Variants in ABCC12 observed in about 807,000 individuals in gnomAD.
ABCC12 encodes the protein ATP binding cassette subfamily C member 12, also known as ATP-binding cassette sub-family C member 12.
ABCC12 carries 142 observed loss-of-function variants against 151.1 expected under a neutral mutation model. The ratio of observed to expected loss-of-function variants is 0.94; its 90% CI spans 0.82 to 1.08. The LOEUF (loss-of-function observed/expected upper bound fraction) is 1.08, where lower values mean the gene tolerates loss of function less well. Ranked by LOEUF, ABCC12 falls within the 50% of genes least tolerant of loss-of-function variation. The pLI, the probability that ABCC12 is intolerant of heterozygous loss-of-function variation, is 0.00. For missense variants in ABCC12, 1,638 were observed against 1,691.1 expected, an observed-to-expected ratio of 0.97 and a Z score of 0.55; for synonymous variants, 645 against 646.4, an observed-to-expected ratio of 1.00 and a Z score of 0.03.
intron 24 of ABCC12, among the ~76,000 whole-genome samples, chr16:48,094,952 A>T (rs1963041124): frequency 6.6e-6 from 1 of 152,222 alleles, no homozygotes; most frequent in African/African-American, 2.4e-5. Flanking sequence ...AGATGGACAA[A>T]ACCAATGGCA....
In ABCC12 at chr16:48,139,152, C is replaced by A; in HGVS notation, c.831+11G>T. ...TACAAAGCAGTTAGAAGCGCAAAAG[C>A]CTGCCGTTACCTGGACGGGTATGAA... On this transcript the variant is annotated intron_variant, in intron 7 of 30. Coordinates refer to ENST00000311303, the MANE Select transcript of ABCC12 (RefSeq NM_001393797.1). The A allele has an allele frequency of 6.4e-7, 1 of 1,574,384 alleles. No individual in the cohort carries two copies. The highest frequency in any genetic ancestry group is 2.3e-5 in the East Asian group (1 of 44,376).
chr16:48,091,182 G>C lies in ABCC12; in HGVS notation c.3223C>G (p.Arg1075Gly). Residue 1075 changes from arginine to glycine, a missense_variant, in exon 25 of 31, where the codon CGA becomes GGA. Coordinates refer to ENST00000311303, the MANE Select transcript of ABCC12 (RefSeq NM_001393797.1). The stretch of plus-strand genomic sequence containing the variant: ...TTGGCTTGCGTCTCTGTTCCCGTTC[G>C]CACACACACTTGGAGCAGTCCGCTC... ...QLSGLLQVCV[R>G]TGTETQAKFT... 1 of 1,614,058 alleles carries C rather than the reference G, an allele frequency of 6.2e-7. No individual in the cohort carries two copies. The highest frequency in any genetic ancestry group is 8.5e-7 in the Non-Finnish European group (1 of 1,179,978).
chr16:48,084,772 G>A (rs116879978), intron 29 of ABCC12, among the ~76,000 whole-genome samples: 1 of 152,206 alleles, frequency 6.6e-6, no homozygotes, highest in East Asian at 1.9e-4. Context: ...TAAAAGTCTC[G>A]GAGGAACATG....
chr16:48,118,835 A>G (rs1053289099), intron 13 of ABCC12, among the ~76,000 whole-genome samples: 1 of 152,212 alleles, frequency 6.6e-6, no homozygotes, highest in Non-Finnish European at 1.5e-5. Context: ...ACCTTGGACA[A>G]GTGACTGTAC....
Position 48,088,669 on chromosome 16 carries a change from A to G in ABCC12, c.3351T>C (p.Arg1117=). 6.2e-7 allele frequency: 1 copy of G among 1,614,192 alleles called. No homozygotes were observed. Among genetic ancestry groups the G allele is most frequent in the Non-Finnish European group, 8.5e-7 (1 of 1,180,026 alleles). The change falls in exon 26 of 31, where the codon CGT becomes CGC. Residue 1117 remains arginine (R), a synonymous_variant. Transcript: ENST00000311303. ...GATAGTCTCTGAAGGTGATCTCCCC[A>G]CGGCTGGGCCAGTCCTTGGGACAGG... ...VGTCPKDWPS[R]GEITFRDYQM...
rs139743676 is a variant in ABCC12, at chr16:48,133,877, G to A, written c.980-42C>T. 1.2e-5 allele frequency: 19 copies of A among 1,610,044 alleles called. No homozygotes were observed. The African/African-American group carries it at 2.1e-4, about 18-fold the overall frequency. On this transcript the variant is annotated intron_variant, in intron 8 of 30. Transcript: ENST00000311303. Reference sequence around the variant, plus strand: ...AGTCCAAGGTGGTCTCATTTTGCATGTCGAACACTAGCATTATGAAATGTA... The same window carrying A: ...AGTCCAAGGTGGTCTCATTTTGCATATCGAACACTAGCATTATGAAATGTA...
chr16:48,133,206 T>A (rs953488166), intron 9 of ABCC12, among the ~76,000 whole-genome samples: 1 of 152,214 alleles, frequency 6.6e-6, no homozygotes, highest in Non-Finnish European at 1.5e-5. Context: ...GGGCCCCTTG[T>A]CAGCCCAAGC....
intron 15 of ABCC12, 37 bp downstream of exon 15, chr16:48,115,378 C>T (rs949240733): frequency 6.2e-7 from 1 of 1,601,522 alleles, no homozygotes; most frequent in Non-Finnish European, 8.5e-7. Flanking sequence ...CAGCCACACC[C>T]ATCCCGTGAC....
At chr16:48,125,340 T>C (rs567694613) in intron 11 of ABCC12, among the ~76,000 whole-genome samples, 19 of 152,322 alleles carry the variant, frequency 1.2e-4, no homozygotes, top group African/African-American at 4.6e-4. Flanking sequence ...GGGGTATTGA[T>C]GCCCCAGCAG....
chr16:48,083,769 T>C lies in ABCC12; in HGVS notation c.4026A>G (p.Ala1342=), dbSNP rs1962454174. The change falls in exon 31 of 31, where the codon GCA becomes GCG. Residue 1342 remains alanine (A), a synonymous_variant. Transcript: ENST00000311303. ...TCGCAAATGCAGAATCTGGCTTCTC[T>C]GCAAGGACTTCAGGCTTGTCAAACT... ...VIEFDKPEVL[A]EKPDSAFAML... 6.2e-7 allele frequency: 1 copy of C among 1,614,246 alleles called. No individual in the cohort carries two copies. The highest frequency in any genetic ancestry group is 8.5e-7 in the Non-Finnish European group (1 of 1,180,044).
chr16:48,104,882 C>G (rs750198288), intron 21 of ABCC12, among the ~76,000 whole-genome samples: 1 of 152,194 alleles, frequency 6.6e-6, no homozygotes, highest in Non-Finnish European at 1.5e-5. Flanking sequence ...GCTTGGCCTG[C>G]GCATCTCTGC....
rs1963681204 is a variant in ABCC12 at position 48,111,419 on chromosome 16, G to A, written c.2281+17C>T. 6.2e-7 allele frequency: 1 copy of A among 1,610,570 alleles called. No homozygotes were observed. Among genetic ancestry groups the A allele is most frequent in the East Asian group, 2.2e-5 (1 of 44,866 alleles). ...CATCCTTAAGTGTATGTGACTGAGG[G>A]GATGTGTGGTAAATACCTTTTGTGT... On this transcript the variant is annotated intron_variant, in intron 18 of 30. Coordinates refer to ENST00000311303, the MANE Select transcript of ABCC12 (RefSeq NM_001393797.1).
At chr16:48,125,726 CT>C (rs1024761515) in intron 11 of ABCC12, among the ~76,000 whole-genome samples, 1 of 152,238 alleles carries the variant, frequency 6.6e-6, no homozygotes, top group African/African-American at 2.4e-5. Context: ...CCAAATATGG[CT>C]TTTTTCCCAC....
At chr16:48,135,427 G>A (rs1436929080) in intron 8 of ABCC12, among the ~76,000 whole-genome samples, 1 of 152,182 alleles carries the variant, frequency 6.6e-6, no homozygotes, top group East Asian at 1.9e-4. Flanking sequence ...CGTCACCCAG[G>A]CTGGAGTGCA....
intron 19 of ABCC12, among the ~76,000 whole-genome samples, chr16:48,107,675 C>T (rs1180109874): frequency 6.6e-6 from 1 of 152,184 alleles, no homozygotes; most frequent in Non-Finnish European, 1.5e-5. Flanking sequence ...CCAATGTGCA[C>T]TTCAATAGAA....
rs1254455740 is a variant in ABCC12, at chr16:48,153,786, A to G, written c.-221T>C. Reference sequence around the variant, plus strand: ...GCATAGGAAATTGGTGCTAGAAGGTAATTTCCTTGAGTGCTCCCCAGGGCA... The same window carrying G: ...GCATAGGAAATTGGTGCTAGAAGGTGATTTCCTTGAGTGCTCCCCAGGGCA... On this transcript the variant is annotated 5_prime_UTR_variant, in exon 2 of 31. Transcript: ENST00000311303. 2.6e-5 allele frequency: 4 copies of G among 152,186 alleles called. No individual in the cohort carries two copies. In the East Asian group the frequency reaches 7.7e-4, roughly 29 times the overall value. 9.4% of individuals were successfully genotyped at this position (152,186 alleles called of 1,614,324 possible).
At position 48,105,295 on chromosome 16, in the gene ABCC12, G is replaced by T. The variant is rs746329847; in HGVS notation, c.2517C>A (p.Val839=). Residue 839 remains valine, a synonymous_variant, in exon 21 of 31, where the codon GTC becomes GTA. Coordinates refer to ENST00000311303, the MANE Select transcript of ABCC12 (RefSeq NM_001393797.1). The stretch of plus-strand genomic sequence containing the variant: ...GACCGATGTCTGCCAGCACCGCGCC[G>T]ACCTCACACATGGTCCTGTTGCCCT... The part of the protein sequence containing the change: ...GPQGNRTMCE[V]GAVLADIGQH... 2 of 1,613,092 alleles carry T rather than the reference G, an allele frequency of 1.2e-6. No homozygotes were observed. Among genetic ancestry groups the T allele is most frequent in the Non-Finnish European group, 1.7e-6 (2 of 1,179,820 alleles).
At chr16:48,149,347 A>G (rs570017207) in intron 2 of ABCC12, among the ~76,000 whole-genome samples, 1 of 152,120 alleles carries the variant, frequency 6.6e-6, no homozygotes, top group African/African-American at 2.4e-5. Flanking sequence ...AGACTTAAAC[A>G]CAACCATATC....
chr16:48,108,268 G>T (rs1245992713), intron 19 of ABCC12, among the ~76,000 whole-genome samples, 172 bp downstream of exon 19: 1 of 152,206 alleles, frequency 6.6e-6, no homozygotes, highest in African/African-American at 2.4e-5. Context: ...CATTTAAAAG[G>T]CTGTATTATC....
Sources: allele counts gnomAD v4.1 joint callset (sites outside exome capture counted in the v4.1 genomes callset), GRCh38; gene constraint gnomAD v4.1.1; transcripts MANE v1.5; gene names NCBI Gene and HGNC (gene_info 2026-07-23, HGNC 2026-07-21).